WWTR1: variants seen among roughly 807,000 people sequenced by gnomAD.
The protein encoded by WWTR1 is WW domain-containing transcription regulator protein 1.
A neutral mutation model predicts 40.1 loss-of-function variants in WWTR1; 13 were observed. The ratio of observed to expected loss-of-function variants is 0.32; its 90% confidence interval spans 0.21 to 0.52. WWTR1 has a LOEUF of 0.52. Among genes scored for constraint, WWTR1 ranks in the 20% least tolerant of loss-of-function variants. The pLI is 0.97. For synonymous variants in WWTR1, 230 were observed against 210.1 expected, an observed-to-expected ratio of 1.09 and a Z score of -0.82; for missense variants, 436 against 523.1, an observed-to-expected ratio of 0.83 and a Z score of 1.63.
intron 3 of WWTR1, among the ~76,000 whole-genome samples, chr3:149,565,420 TAA>T (rs1737269359): frequency 2.6e-5 from 4 of 152,018 alleles, no homozygotes; most frequent in Admixed American, 6.6e-5. Flanking sequence ...ATAAAACCTA[TAA>T]GTCTCCATCA....
In WWTR1 at chr3:149,698,752, T is replaced by C. The variant is rs188612810; in HGVS notation, c.-108+4372A>G. Among the ~76,000 whole-genome samples, 268 of 152,310 alleles carry C rather than the reference T, an allele frequency of 1.8e-3. 5 individuals carry two copies. The South Asian group carries it at 0.038, about 22-fold the overall frequency. On this transcript the variant is annotated intron_variant, in intron 1 of 7. Transcript: ENST00000465804. ...GAGCACCTGCAGAATTAACACCACATGGAAACTGCCAAGACTTATGGATTA... is the reference window on the plus strand; with the variant it reads ...GAGCACCTGCAGAATTAACACCACACGGAAACTGCCAAGACTTATGGATTA...
At chr3:149,627,554 T>C (rs1045880166) in intron 2 of WWTR1, among the ~76,000 whole-genome samples, 1 of 152,170 alleles carries the variant, frequency 6.6e-6, no homozygotes, top group Non-Finnish European at 1.5e-5. Flanking sequence ...TAGGTGGTGA[T>C]AACTGAAGAG....
intron 2 of WWTR1, among the ~76,000 whole-genome samples, chr3:149,596,588 C>T (rs1188706171): frequency 2.6e-5 from 4 of 152,180 alleles, no homozygotes; most frequent in African/African-American, 7.2e-5. Context: ...CTAGTGGACC[C>T]GCCACTGGTA....
rs546876456 is a variant in WWTR1, at chr3:149,719,866, A to C, written n.460-2300T>G. Among the ~76,000 whole-genome samples the C allele has an allele frequency of 4.5e-4, 69 of 152,350 alleles. 1 individual carries two copies. Among genetic ancestry groups the C allele is most frequent in the South Asian group, 3.1e-3 (15 of 4,830 alleles). On this transcript the variant is annotated intron_variant and non_coding_transcript_variant, in intron 4 of 6. Transcript: ENST00000474080. ...GACTTGCATTTCCATAATGATTAGT[A>C]AGGCTGAGCATCTTTGCATGTGCTG...
At chr3:149,663,237 G>A (rs1394596220) in intron 2 of WWTR1, among the ~76,000 whole-genome samples, 1 of 151,540 alleles carries the variant, frequency 6.6e-6, no homozygotes, top group African/African-American at 2.4e-5. Flanking sequence ...TCACCATGTT[G>A]GCCAGGCTGA....
chr3:149,537,782 C>G (rs1485204245), intron 4 of WWTR1, among the ~76,000 whole-genome samples: 3 of 152,110 alleles, frequency 2.0e-5, no homozygotes, highest in Non-Finnish European at 4.4e-5. Context: ...TCTTCTCTGT[C>G]CCCATAGTTT....
intron 4 of WWTR1, among the ~76,000 whole-genome samples, chr3:149,723,185 C>CTTTTTTTTTTTT (rs35573546): frequency 4.9e-4 from 50 of 101,812 alleles, no homozygotes; most frequent in African/African-American, 1.4e-3. Context: ...CTTTTCTTTT[C>CTTTTTTTTTTTT]TTTTTTTTTT....
chr3:149,581,783 G>A (rs1483698203), intron 2 of WWTR1, among the ~76,000 whole-genome samples: 1 of 152,182 alleles, frequency 6.6e-6, no homozygotes, highest in Non-Finnish European at 1.5e-5. Context: ...CAGCAGCCAT[G>A]TGAAAGGTCT....
At chr3:149,674,263 CTCTATCTCT>C in intron 1 of WWTR1, among the ~76,000 whole-genome samples, 1 of 141,530 alleles carries the variant, frequency 7.1e-6, no homozygotes, top group East Asian at 2.5e-4. Flanking sequence ...GTCTGTCTTT[CTCTATCTCT>C]TTCTCTCTCA....
chr3:149,694,585 T>C (rs1576643796), intron 1 of WWTR1, among the ~76,000 whole-genome samples: 3 of 152,322 alleles, frequency 2.0e-5, no homozygotes, highest in Admixed American at 2.0e-4. Context: ...TTCAACATTA[T>C]TGATCATCAG....
chr3:149,668,722 G>A (rs1484823117), intron 2 of WWTR1, among the ~76,000 whole-genome samples: 4 of 152,056 alleles, frequency 2.6e-5, no homozygotes, highest in African/African-American at 9.7e-5. Flanking sequence ...AATGGGGAAC[G>A]GGGGATCCCT....
upstream of WWTR1, among the ~76,000 whole-genome samples, chr3:149,662,871 G>T (rs558854452): frequency 6.6e-6 from 1 of 152,044 alleles, no homozygotes; most frequent in Non-Finnish European, 1.5e-5. Flanking sequence ...GGCCTAATTC[G>T]TTAATACACC....
chr3:149,611,094 C>T (rs962622210), intron 2 of WWTR1, among the ~76,000 whole-genome samples: 4 of 152,118 alleles, frequency 2.6e-5, no homozygotes, highest in African/African-American at 9.7e-5. Flanking sequence ...TTCAAGGCTG[C>T]AGTAAGCTAT....
intron 6 of WWTR1, among the ~76,000 whole-genome samples, chr3:149,523,549 C>T (rs1735160451): frequency 6.6e-6 from 1 of 152,328 alleles, no homozygotes; most frequent in African/African-American, 2.4e-5. Flanking sequence ...TGCCCAGCCA[C>T]AAGGCAATTC....
At chr3:149,723,083 C>G (rs1317265993) in intron 4 of WWTR1, among the ~76,000 whole-genome samples, 2 of 151,516 alleles carry the variant, frequency 1.3e-5, no homozygotes, top group Admixed American at 1.3e-4. Context: ...TCTTTGCATG[C>G]CTTGTGAATT....
intron 2 of WWTR1, among the ~76,000 whole-genome samples, chr3:149,636,737 C>A (rs1433535557): frequency 6.6e-6 from 1 of 152,014 alleles, no homozygotes; most frequent in East Asian, 1.9e-4. Context: ...ATTTATATTT[C>A]TTTCAGCAAA....
intron 2 of WWTR1, among the ~76,000 whole-genome samples, chr3:149,590,368 G>T (rs947062394): frequency 1.3e-5 from 2 of 152,062 alleles, no homozygotes; most frequent in African/African-American, 4.8e-5. Flanking sequence ...AATAAAAATG[G>T]GCCGGGTGCG....
intron 2 of WWTR1, among the ~76,000 whole-genome samples, chr3:149,606,799 T>G (rs1392890578): frequency 6.6e-6 from 1 of 152,200 alleles, no homozygotes; most frequent in Non-Finnish European, 1.5e-5. Flanking sequence ...ACCTTTCAAG[T>G]TGAGACTTAC....
At chr3:149,668,834 AT>A (rs1044031520) in intron 2 of WWTR1, among the ~76,000 whole-genome samples, 2 of 151,816 alleles carry the variant, frequency 1.3e-5, no homozygotes, top group African/African-American at 2.4e-5. Context: ...TTGGTTTCAA[AT>A]TTTTTTTCAT....
Sources: gnomAD v4.1 joint callset for allele counts (sites outside exome capture counted in the v4.1 genomes callset) on GRCh38, gnomAD v4.1.1 for gene constraint, MANE v1.5 for transcripts, NCBI Gene and HGNC (gene_info 2026-07-23, HGNC 2026-07-21) for gene names.